The following SFMBT2 variants were observed in gnomAD, a reference collection of about 807,000 sequenced individuals.
SFMBT2 encodes Scm like with four mbt domains 2.
In SFMBT2, 38 loss-of-function variants were observed where a neutral mutation model predicts 110.1. The ratio of observed to expected loss-of-function variants is 0.35; its 90% CI spans 0.27 to 0.45. The LOEUF (loss-of-function observed/expected upper bound fraction) is 0.45, where lower values mean the gene tolerates loss of function less well. SFMBT2 is among the 20% of genes least tolerant of loss of function. The pLI is 1.00. For missense variants in SFMBT2, 1,011 were observed against 1,094.9 expected (o/e 0.92, Z 1.08); for synonymous variants, 425 against 425.4 (o/e 1.00, Z 0.01).
chr10:7,171,868 C>G lies in SFMBT2; in HGVS notation c.2415+27G>C, dbSNP rs1446165790. 13 of 1,394,228 alleles carry G rather than the reference C, an allele frequency of 9.3e-6. No individual in the cohort carries two copies. Among genetic ancestry groups the G allele is most frequent in the Non-Finnish European group, 1.2e-5 (13 of 1,076,860 alleles). 86.4% of individuals were successfully genotyped at this position (1,394,228 alleles called of 1,614,324 possible). ...GTGCTTCTTCAGACCCAGCGGGAAG[C>G]CCTCTGTCCCCACGCCCGGGCATCA... On this transcript the variant is annotated intron_variant, in intron 19 of 20. Coordinates refer to ENST00000397167, the MANE Select transcript of SFMBT2 (RefSeq NM_001387889.1). This position sits in a 1 kb window ranked among gnomAD's most constrained non-coding sequence, Gnocchi z 4.9.
chr10:7,229,431 T>C (rs1167866554), intron 9 of SFMBT2, among the ~76,000 whole-genome samples: 1 of 151,568 alleles, frequency 6.6e-6, no homozygotes. Flanking sequence ...ACACAAAAAT[T>C]AGCCAGGTGT....
rs1327310892 is a variant in SFMBT2, at chr10:7,171,237, T to C, written c.2416-181A>G. ...CCTGAGAAAGTTCTTGGCTCAGTGATGATGCCCCCTGCAATGACTCATGTG... is the reference window on the plus strand; with the variant it reads ...CCTGAGAAAGTTCTTGGCTCAGTGACGATGCCCCCTGCAATGACTCATGTG... On this transcript the variant is annotated intron_variant, in intron 19 of 20. Coordinates refer to ENST00000397167, the MANE Select transcript of SFMBT2 (RefSeq NM_001387889.1). The surrounding 1 kb of genome is among the most constrained non-coding windows in gnomAD (Gnocchi z 4.9). 6.6e-6 allele frequency among the ~76,000 whole-genome samples: 1 copy of C among 152,198 alleles called. No homozygotes were observed. Among genetic ancestry groups the C allele is most frequent in the Non-Finnish European group, 1.5e-5 (1 of 68,014 alleles).
intron 16 of SFMBT2, among the ~76,000 whole-genome samples, chr10:7,178,624 T>C (rs1448781447): frequency 6.6e-6 from 1 of 152,046 alleles, no homozygotes; most frequent in East Asian, 1.9e-4. Flanking sequence ...AACCTAGATA[T>C]TGTCACTTGT....
At chr10:7,199,404 C>G (rs1031358703) in intron 14 of SFMBT2, among the ~76,000 whole-genome samples, 1 of 152,160 alleles carries the variant, frequency 6.6e-6, no homozygotes, top group Admixed American at 6.5e-5. Flanking sequence ...TTCTGCAAAA[C>G]CACTGCTATT....
chr10:7,354,646 C>A (rs1328142611), intron 4 of SFMBT2, among the ~76,000 whole-genome samples: 1 of 152,208 alleles, frequency 6.6e-6, no homozygotes, highest in African/African-American at 2.4e-5. Flanking sequence ...GGGGCTGTAT[C>A]TGAACCCTAA....
At chr10:7,372,845 T>C (rs1330614173) in intron 2 of SFMBT2, among the ~76,000 whole-genome samples, 3 of 152,218 alleles carry the variant, frequency 2.0e-5, no homozygotes, top group Admixed American at 6.5e-5. Flanking sequence ...CTTCTTTCCA[T>C]CCTCCTTGTC....
chr10:7,253,655 T>C (rs1488437305), intron 7 of SFMBT2, among the ~76,000 whole-genome samples: 1 of 152,164 alleles, frequency 6.6e-6, no homozygotes, highest in East Asian at 1.9e-4. Context: ...TTCTGAGAGG[T>C]TGCAGCATCC....
intron 1 of SFMBT2, among the ~76,000 whole-genome samples, chr10:7,409,608 CT>C (rs1391076253): frequency 6.6e-6 from 1 of 152,022 alleles, no homozygotes; most frequent in Non-Finnish European, 1.5e-5. Context: ...CCTTTCCCCC[CT>C]AGCAATGGAC....
chr10:7,382,088 G>T, intron 1 of SFMBT2, 139 bp from the exon 2 acceptor site: 1 of 481,858 alleles, frequency 2.1e-6, no homozygotes, highest in Non-Finnish European at 3.6e-6. Context: ...ACATAATGTT[G>T]TAATAGAAAA....
chr10:7,339,163 C>T (rs574977885), intron 4 of SFMBT2, among the ~76,000 whole-genome samples: 2 of 152,232 alleles, frequency 1.3e-5, no homozygotes, highest in African/African-American at 4.8e-5. Context: ...TCACTTGAAC[C>T]CGGGAGGCGG....
intron 16 of SFMBT2, among the ~76,000 whole-genome samples, chr10:7,182,444 G>C (rs1239415202): frequency 6.6e-6 from 1 of 152,148 alleles, no homozygotes; most frequent in Non-Finnish European, 1.5e-5. Context: ...ACTTTGTAGG[G>C]AGGATGTGTG....
intron 20 of SFMBT2, among the ~76,000 whole-genome samples, chr10:7,167,721 C>G (rs1837733678): frequency 1.3e-5 from 2 of 152,212 alleles, no homozygotes; most frequent in Non-Finnish European, 2.9e-5. Context: ...GTACTTCAGA[C>G]AGCCCAGTGG....
intron 4 of SFMBT2, among the ~76,000 whole-genome samples, chr10:7,294,413 C>G (rs901376602): frequency 6.6e-6 from 1 of 152,200 alleles, no homozygotes; most frequent in African/African-American, 2.4e-5. Flanking sequence ...ACCCACCTTG[C>G]ATTGTACAAG....
intron 4 of SFMBT2, among the ~76,000 whole-genome samples, chr10:7,305,281 T>G (rs970245862): frequency 6.6e-6 from 1 of 152,228 alleles, no homozygotes; most frequent in Non-Finnish European, 1.5e-5. Flanking sequence ...CTATCAGCAT[T>G]GAAGCCAGTG....
In SFMBT2 at chr10:7,394,365, G is replaced by A. The variant is rs910224379; in HGVS notation, c.-51-12416C>T. Among the ~76,000 whole-genome samples, 6 of 151,272 alleles carry A rather than the reference G, an allele frequency of 4.0e-5. No homozygotes were observed. In the East Asian group the frequency reaches 9.7e-4, roughly 25 times the overall value. On this transcript the variant is annotated intron_variant, in intron 1 of 20. Transcript: ENST00000397167. ...CCCAGTCATCTCCTGCCCTTCTCCC[G>A]CGTCCCCATCTCCTGCTTGGGGACC...
At chr10:7,273,808 G>C (rs1004543455) in intron 7 of SFMBT2, among the ~76,000 whole-genome samples, 1 of 152,188 alleles carries the variant, frequency 6.6e-6, no homozygotes, top group Admixed American at 6.5e-5. Context: ...TGGAGAGATA[G>C]GAACACTTTT....
intron 10 of SFMBT2, among the ~76,000 whole-genome samples, chr10:7,222,869 A>C (rs1839789824): frequency 6.6e-6 from 1 of 152,030 alleles, no homozygotes; most frequent in African/African-American, 2.4e-5. Context: ...TTGGGGTTTC[A>C]CCATGTTGGC....
chr10:7,308,362 AAAAC>A (rs200522737), intron 4 of SFMBT2, among the ~76,000 whole-genome samples: 2,944 of 152,230 alleles, frequency 0.019, 86 homozygotes, highest in African/African-American at 0.066. Flanking sequence ...CCCATCTCAA[AAAAC>A]AAACAAACAA....
At chr10:7,335,580 G>C (rs867838674) in intron 4 of SFMBT2, among the ~76,000 whole-genome samples, 12 of 36,744 alleles carry the variant, frequency 3.3e-4, no homozygotes, top group African/African-American at 9.0e-4. Context: ...AACAGAAACA[G>C]AAACACACAC....
Sources: gnomAD v4.1 joint callset for allele counts (sites outside exome capture counted in the v4.1 genomes callset) on GRCh38, gnomAD v4.1.1 for gene constraint, Gnocchi (gnomAD v3.1) non-coding constraint, MANE v1.5 for transcripts, NCBI Gene and HGNC (gene_info 2026-07-23, HGNC 2026-07-21) for gene names.